Variants in NLRP13 observed in about 807,000 individuals in gnomAD.
NLRP13 encodes the protein NLR family pyrin domain containing 13, also known as NACHT, LRR and PYD domains-containing protein 13.
In NLRP13, 82 loss-of-function variants were observed where a neutral mutation model predicts 94.4. The ratio of observed to expected loss-of-function variants is 0.87; its 90% confidence interval spans 0.73 to 1.04. The LOEUF (loss-of-function observed/expected upper bound fraction) is 1.04, where lower values mean the gene tolerates loss of function less well. Among genes scored for constraint, NLRP13 ranks in the 50% least tolerant of loss-of-function variants. The probability of loss-of-function intolerance (pLI) is 0.00; values close to 1 mark genes in which losing one functional copy is unlikely to be tolerated. For missense variants in NLRP13, 1,426 were observed against 1,230.8 expected (o/e 1.16, Z -2.37); for synonymous variants, 553 against 464.7 (o/e 1.19, Z -2.45).
At chr19:55,904,125 C>T (rs1174136807) in intron 8 of NLRP13, among the ~76,000 whole-genome samples, 1 of 152,198 alleles carries the variant, frequency 6.6e-6, no homozygotes, top group Non-Finnish European at 1.5e-5. Context: ...TGGAGTCTCA[C>T]TCTGTCATCC....
At chr19:55,917,552 A>T (rs777459334) in intron 4 of NLRP13, among the ~76,000 whole-genome samples, 12 of 152,068 alleles carry the variant, frequency 7.9e-5, no homozygotes, top group Non-Finnish European at 1.6e-4. Flanking sequence ...ACTTCACTAT[A>T]GACTGAAGGT....
intron 1 of NLRP13, among the ~76,000 whole-genome samples, chr19:55,930,686 C>CAAAAAAAAAA (rs9304769): frequency 1.1e-5 from 1 of 94,206 alleles, no homozygotes; most frequent in African/African-American, 4.2e-5. Flanking sequence ...AACTCCATCT[C>CAAAAAAAAAA]AAAAAAAAAA....
At chr19:55,911,431 A>G (rs1389321324) in intron 5 of NLRP13, among the ~76,000 whole-genome samples, 1 of 152,200 alleles carries the variant, frequency 6.6e-6, no homozygotes, top group African/African-American at 2.4e-5. Context: ...AGTTAGATAC[A>G]AGTAGATGTC....
chr19:55,920,890 G>A (rs185190206), intron 4 of NLRP13, among the ~76,000 whole-genome samples: 1 of 151,930 alleles, frequency 6.6e-6, no homozygotes. Context: ...AAAATGTGGT[G>A]TATGTATGTA....
At chr19:55,916,190 A>G (rs1986669428) in intron 4 of NLRP13, among the ~76,000 whole-genome samples, 1 of 152,208 alleles carries the variant, frequency 6.6e-6, no homozygotes, top group Non-Finnish European at 1.5e-5. Context: ...TACTAAACAC[A>G]CATTATAGTC....
chr19:55,891,858 C>G, downstream of NLRP13: 2 of 386,404 alleles, frequency 5.2e-6, no homozygotes, highest in East Asian at 7.4e-5. Flanking sequence ...GGGCGGCCTC[C>G]AACAACCGTG....
At chr19:55,904,905 A>G in intron 8 of NLRP13, 37 bp downstream of exon 8, 1 of 1,568,572 alleles carries the variant, frequency 6.4e-7, no homozygotes, top group South Asian at 1.1e-5. Context: ...CTGTGCCCAT[A>G]GAGTCATATC....
chr19:55,925,108 A>G (rs1986937195), intron 1 of NLRP13, 73 bp from the exon 2 acceptor site: 1 of 1,336,420 alleles, frequency 7.5e-7, no homozygotes, highest in Non-Finnish European at 1.1e-6. Context: ...GGAGTCTCTC[A>G]GTAGAACCAA....
chr19:55,898,240 G>A (rs866508017), intron 10 of NLRP13, among the ~76,000 whole-genome samples: 27 of 126,866 alleles, frequency 2.1e-4, no homozygotes, highest in African/African-American at 3.0e-4. Context: ...ATGGAGTTTC[G>A]CTCTTGTCTC....
intron 4 of NLRP13, among the ~76,000 whole-genome samples, chr19:55,919,842 A>G (rs1007245296): frequency 6.6e-6 from 1 of 152,192 alleles, no homozygotes; most frequent in Admixed American, 6.5e-5. Flanking sequence ...CCTAAAATTC[A>G]TATGGAACCA....
intron 4 of NLRP13, among the ~76,000 whole-genome samples, chr19:55,920,888 G>C (rs8111654): frequency 0.047 from 7,133 of 152,002 alleles, 405 homozygotes; most frequent in East Asian, 0.26. Flanking sequence ...AGAAAATGTG[G>C]TGTATGTATG....
intron 4 of NLRP13, among the ~76,000 whole-genome samples, chr19:55,915,816 T>C (rs1010498383): frequency 6.6e-6 from 1 of 151,992 alleles, no homozygotes; most frequent in African/African-American, 2.4e-5. Flanking sequence ...CAAGCTCCTA[T>C]GCATTTCACA....
rs145312636 is a variant in NLRP13, at chr19:55,932,154, G to T, written c.158C>A (p.Pro53Gln). Residue 53 changes from proline (P) to glutamine (Q), a missense_variant, in exon 1 of 11, where the codon CCG (proline) becomes CAG (glutamine). Transcript: ENST00000342929. Reference sequence around the variant, plus strand: ...TCTCAAGTTTGCCCAGGGGATACGCGGGAAGTGCCCCTGGGGGGCCGACCA... The same window carrying T: ...TCTCAAGTTTGCCCAGGGGATACGCTGGAAGTGCCCCTGGGGGGCCGACCA... ...DFWSAPQGHF[P>Q]RIPWANLRAA... 6.2e-7 allele frequency: 1 copy of T among 1,614,158 alleles called. No individual in the cohort carries two copies.
At chr19:55,928,578 T>C (rs1987026892) in intron 1 of NLRP13, among the ~76,000 whole-genome samples, 1 of 152,210 alleles carries the variant, frequency 6.6e-6, no homozygotes, top group African/African-American at 2.4e-5. Flanking sequence ...CTTTTAAGTT[T>C]ATATTTTTAA....
rs921816242 is a variant in NLRP13, at chr19:55,898,209, T to G, written c.2957+561A>C. Among the ~76,000 whole-genome samples, 28 of 58,530 alleles carry G rather than the reference T, an allele frequency of 4.8e-4. 2 individuals are homozygous for G. The highest frequency in any genetic ancestry group is 3.0e-3 in the East Asian group (8 of 2,654). The allele number at this position is 58,530 out of a possible 152,430, so 38.4% of individuals were successfully genotyped here. On this transcript the variant is annotated intron_variant, in intron 10 of 10. Transcript: ENST00000342929. ...TAGCAGGAGAGTTTTTGTTTTTGTT[T>G]TTGTTTTTTTTTTTTTTGAGATGGA...
At chr19:55,891,910 T>G (rs1297619501), downstream of NLRP13, 4 of 398,740 alleles carry the variant, frequency 1.0e-5, no homozygotes, top group African/African-American at 8.2e-5. Flanking sequence ...TCCCCACAAA[T>G]GGTGACATTG....
chr19:55,922,826 G>A (rs1350306490), intron 4 of NLRP13, among the ~76,000 whole-genome samples: 1 of 152,198 alleles, frequency 6.6e-6, no homozygotes, highest in Non-Finnish European at 1.5e-5. Flanking sequence ...ACCATGACAA[G>A]AAGTCAGTAG....
At chr19:55,908,584 T>A (rs570202451) in intron 6 of NLRP13, among the ~76,000 whole-genome samples, 1 of 75,722 alleles carries the variant, frequency 1.3e-5, no homozygotes, top group South Asian at 3.8e-4. Context: ...TGGAATACTA[T>A]GCAGCCATAA....
At chr19:55,924,452 A>T in intron 3 of NLRP13, 138 bp downstream of exon 3, 1 of 655,490 alleles carries the variant, frequency 1.5e-6, no homozygotes, top group Non-Finnish European at 2.7e-6. Flanking sequence ...GAAATACTGG[A>T]AGAACTAGAT....
Sources: gnomAD v4.1 joint callset for allele counts (sites outside exome capture counted in the v4.1 genomes callset) on GRCh38, gnomAD v4.1.1 for gene constraint, MANE v1.5 for transcripts, NCBI Gene and HGNC (gene_info 2026-07-23, HGNC 2026-07-21) for gene names.